MGMT: variants seen among roughly 807,000 people sequenced by gnomAD.
MGMT encodes the protein O-6-methylguanine-DNA methyltransferase, also known as methylated-DNA--protein-cysteine methyltransferase.
MGMT carries 14 observed loss-of-function variants against 15.9 expected under a neutral mutation model. The observed-to-expected ratio is 0.88, with a 90% CI of 0.58 to 1.37. The LOEUF (loss-of-function observed/expected upper bound fraction) is 1.37. Ranked by LOEUF, MGMT falls within the 40% of genes most tolerant of loss-of-function variation. MGMT has a pLI of 0.00. For synonymous variants in MGMT, 130 were observed against 118.2 expected (o/e 1.10, Z -0.65); for missense variants, 282 against 268.1 (o/e 1.05, Z -0.36).
intron 2 of MGMT, among the ~76,000 whole-genome samples, chr10:129,704,232 G>A (rs1012118533): frequency 3.9e-5 from 6 of 152,056 alleles, no homozygotes; most frequent in Admixed American, 6.6e-5. Context: ...CCTCACTAAC[G>A]GGGAAGGAAA....
At chr10:129,658,660 T>C (rs929293554) in intron 2 of MGMT, among the ~76,000 whole-genome samples, 1 of 152,204 alleles carries the variant, frequency 6.6e-6, no homozygotes, top group African/African-American at 2.4e-5. Flanking sequence ...TGATTTGACA[T>C]GTCCTGGAAG....
chr10:129,646,741 TATATA>T lies in MGMT; in HGVS notation c.126-61153_126-61149del, dbSNP rs1276216899. Among the ~76,000 whole-genome samples, 56 of 106,976 alleles carry T rather than the reference TATATA, an allele frequency of 5.2e-4. 1 individual carries two copies. The highest frequency in any genetic ancestry group is 1.6e-3 in the South Asian group (6 of 3,848). 70.2% of individuals were successfully genotyped at this position (106,976 alleles called of 152,430 possible). A position where few individuals can be genotyped will look rare whatever the true frequency, so the allele number is the denominator to read the frequency against. ...AGAAATATATATATATATATATATA[TATATA>T]TATATATATTTTCAGGGAATGGTAG... is the stretch of plus-strand genomic sequence containing the variant. On this transcript the variant is annotated intron_variant, in intron 2 of 4. Coordinates refer to ENST00000651593, the MANE Select transcript of MGMT (RefSeq NM_002412.5).
At chr10:129,710,476 G>A (rs1157393457) in intron 3 of MGMT, among the ~76,000 whole-genome samples, 1 of 152,208 alleles carries the variant, frequency 6.6e-6, no homozygotes, top group Admixed American at 6.5e-5. Context: ...GTTGCTGTGG[G>A]GGCTGGGATT....
intron 2 of MGMT, among the ~76,000 whole-genome samples, chr10:129,599,740 C>T (rs1013427521): frequency 3.9e-5 from 6 of 152,166 alleles, no homozygotes; most frequent in African/African-American, 7.2e-5. Context: ...AATGTTTACA[C>T]AGGGTGTGCA....
At position 129,659,375 on chromosome 10, in the gene MGMT, A is replaced by T. The variant is rs886603972; in HGVS notation, c.126-48520A>T. On this transcript the variant is annotated intron_variant, in intron 2 of 4. Coordinates refer to ENST00000651593, the MANE Select transcript of MGMT (RefSeq NM_002412.5). The surrounding 1 kb of genome is among the most constrained non-coding windows in gnomAD (Gnocchi z 4.1). ...CCCTGTGTGGAAAAAAAAAAAAAAG[A>T]TACTCAGATGTAGCTGTCTCTGCCT... 3.3e-5 allele frequency among the ~76,000 whole-genome samples: 5 copies of T among 151,558 alleles called. No individual in the cohort carries two copies. The highest frequency in any genetic ancestry group is 1.2e-4 in the African/African-American group (5 of 41,242).
chr10:129,508,256 T>C (rs1423439019), intron 1 of MGMT, among the ~76,000 whole-genome samples: 1 of 151,940 alleles, frequency 6.6e-6, no homozygotes. Flanking sequence ...GAAGCCGCCA[T>C]AGAGATAGCT....
At chr10:129,515,880 G>A (rs995351723) in intron 1 of MGMT, among the ~76,000 whole-genome samples, 1 of 152,226 alleles carries the variant, frequency 6.6e-6, no homozygotes, top group African/African-American at 2.4e-5. Flanking sequence ...GAAATCCACA[G>A]CAAGGGAAAA....
intron 1 of MGMT, among the ~76,000 whole-genome samples, chr10:129,468,880 TC>T (rs768616251): frequency 9.9e-5 from 15 of 152,124 alleles, no homozygotes; most frequent in Non-Finnish European, 1.5e-4. Context: ...AGTGAAACTG[TC>T]CTGAAGGGGA....
intron 3 of MGMT, chr10:129,717,776 G>A (rs1267968316): frequency 1.3e-5 from 2 of 152,212 alleles, no homozygotes; most frequent in African/African-American, 4.8e-5. Context: ...CAGCAGTAAT[G>A]CCTGTTTCCT....
rs1329879228 is a variant in MGMT at position 129,566,021 on chromosome 10, A to G, written c.125+29644A>G. Among the ~76,000 whole-genome samples, 1 of 152,124 alleles carries G rather than the reference A, an allele frequency of 6.6e-6. No homozygotes were observed. Among genetic ancestry groups the G allele is most frequent in the Non-Finnish European group, 1.5e-5 (1 of 68,024 alleles). ...CACAGGTCTGAGTTCTGTCCAGTTCAGGTTCGTAGGCCACTCTTGCAGCTC... is the reference window on the plus strand; with the variant it reads ...CACAGGTCTGAGTTCTGTCCAGTTCGGGTTCGTAGGCCACTCTTGCAGCTC... On this transcript the variant is annotated intron_variant, in intron 2 of 4. Transcript: ENST00000651593. This position sits in a 1 kb window ranked among gnomAD's most constrained non-coding sequence, Gnocchi z 4.1.
chr10:129,662,469 G>C (rs1847608672), intron 2 of MGMT, among the ~76,000 whole-genome samples: 1 of 151,950 alleles, frequency 6.6e-6, no homozygotes, highest in Non-Finnish European at 1.5e-5. Context: ...ACACACAAAG[G>C]TACCACTAGA....
intron 2 of MGMT, among the ~76,000 whole-genome samples, chr10:129,559,754 A>G (rs1846256161): frequency 6.6e-6 from 1 of 152,126 alleles, no homozygotes; most frequent in African/African-American, 2.4e-5. Context: ...TGAAATTAGC[A>G]ATTTTATTAG....
intron 3 of MGMT, among the ~76,000 whole-genome samples, chr10:129,739,501 T>C (rs1382049909): frequency 6.6e-6 from 1 of 152,204 alleles, no homozygotes; most frequent in Non-Finnish European, 1.5e-5. Context: ...CGTGCTGTGC[T>C]TGTCCATCAG....
chr10:129,761,606 A>G (rs935565651), intron 4 of MGMT, among the ~76,000 whole-genome samples: 1 of 152,252 alleles, frequency 6.6e-6, no homozygotes, highest in Non-Finnish European at 1.5e-5. Flanking sequence ...GTATGGCCTC[A>G]GTCACTGAAA....
At chr10:129,483,684 G>A (rs1022740153) in intron 1 of MGMT, among the ~76,000 whole-genome samples, 1 of 151,676 alleles carries the variant, frequency 6.6e-6, no homozygotes, top group African/African-American at 2.4e-5. Flanking sequence ...GGCCACTAAG[G>A]TTTTCTCTTT....
At chr10:129,613,444 G>A (rs1440081577) in intron 2 of MGMT, among the ~76,000 whole-genome samples, 1 of 152,160 alleles carries the variant, frequency 6.6e-6, no homozygotes, top group African/African-American at 2.4e-5. Context: ...CGAGTTTCTA[G>A]ATTGTTTTGT....
intron 4 of MGMT, among the ~76,000 whole-genome samples, chr10:129,763,669 T>C (rs1366227892): frequency 6.6e-6 from 1 of 152,232 alleles, no homozygotes; most frequent in East Asian, 1.9e-4. Flanking sequence ...TAAAACTAGA[T>C]TGAATTAAAT....
intron 4 of MGMT, among the ~76,000 whole-genome samples, chr10:129,762,400 C>T (rs893693015): frequency 3.3e-5 from 5 of 152,168 alleles, no homozygotes; most frequent in Admixed American, 2.0e-4. Context: ...CTTCCCCAAC[C>T]GGAGTAAGGG....
In MGMT at chr10:129,504,430, G is replaced by A. The variant is rs151217159; in HGVS notation, c.-12-31811G>A. Among the ~76,000 whole-genome samples, 637 of 152,314 alleles carry A rather than the reference G, an allele frequency of 4.2e-3. 3 individuals are homozygous for A. Among genetic ancestry groups the A allele is most frequent in the Non-Finnish European group, 8.0e-3 (546 of 68,030 alleles). ...AAACTGTGCAGAAAATTTTGTGTTT[G>A]CAGTAAACAGAATTCTAGTTTAGGG... On this transcript the variant is annotated intron_variant, in intron 1 of 4. Transcript: ENST00000651593.
Sources: gnomAD v4.1 joint callset for allele counts (sites outside exome capture counted in the v4.1 genomes callset) on GRCh38, gnomAD v4.1.1 for gene constraint, Gnocchi (gnomAD v3.1) non-coding constraint, MANE v1.5 for transcripts, NCBI Gene and HGNC (gene_info 2026-07-23, HGNC 2026-07-21) for gene names.